PTK2: variants seen among roughly 807,000 people sequenced by gnomAD.
PTK2 encodes protein tyrosine kinase 2, also known as focal adhesion kinase 1.
A neutral mutation model predicts 150.1 loss-of-function variants in PTK2; 45 were observed. That is an observed-to-expected ratio of 0.30 (90% CI 0.24 to 0.38). The LOEUF is 0.38. Among genes scored for constraint, PTK2 ranks in the 10% least tolerant of loss-of-function variants. The pLI is 1.00. For synonymous variants in PTK2, 432 were observed against 449.2 expected (o/e 0.96, Z 0.48); for missense variants, 919 against 1,307.3 (o/e 0.70, Z 4.58).
At chr8:140,838,009 C>A (rs1484892031) in intron 7 of PTK2, among the ~76,000 whole-genome samples, 2 of 151,808 alleles carry the variant, frequency 1.3e-5, no homozygotes, top group Non-Finnish European at 2.9e-5. Context: ...TTGCTGCAAG[C>A]CGAGGTCACG....
chr8:140,842,471 A>C (rs2100122920), intron 7 of PTK2, among the ~76,000 whole-genome samples: 1 of 152,106 alleles, frequency 6.6e-6, no homozygotes, highest in Non-Finnish European at 1.5e-5. Flanking sequence ...TAAGCTCTTG[A>C]CATAAATTAT....
chr8:140,694,924 G>A (rs983075610), intron 26 of PTK2, among the ~76,000 whole-genome samples: 2 of 152,224 alleles, frequency 1.3e-5, no homozygotes, highest in African/African-American at 4.8e-5. Flanking sequence ...AACTGACAGA[G>A]GGTCAGGGTG....
chr8:140,811,542 G>A (rs538076941), intron 10 of PTK2, among the ~76,000 whole-genome samples: 2 of 152,258 alleles, frequency 1.3e-5, no homozygotes, highest in African/African-American at 4.8e-5. Flanking sequence ...CACCTCTCCA[G>A]CAAGGGTTCT....
chr8:140,751,677 G>A lies in PTK2; in HGVS notation c.1417+555C>T, dbSNP rs1486735774. On this transcript the variant is annotated intron_variant, in intron 17 of 31. Transcript: ENST00000522684. ...CGGCTAATTTTTTGTATTTTTAGTA[G>A]AAGACTGTTTCACCATGTTGGCCAG... Among the ~76,000 whole-genome samples the A allele has an allele frequency of 5.9e-5, 9 of 151,890 alleles. 1 individual carries two copies. Among genetic ancestry groups the A allele is most frequent in the African/African-American group, 2.2e-4 (9 of 41,364 alleles).
intron 14 of PTK2, among the ~76,000 whole-genome samples, chr8:140,785,206 T>A (rs1309049390): frequency 6.6e-6 from 1 of 152,156 alleles, no homozygotes; most frequent in African/African-American, 2.4e-5. Flanking sequence ...CACTGGTCGG[T>A]CCAAATATTC....
chr8:140,877,261 T>C (rs2100146189), intron 4 of PTK2, among the ~76,000 whole-genome samples: 1 of 152,094 alleles, frequency 6.6e-6, no homozygotes, highest in Non-Finnish European at 1.5e-5. Context: ...CTCGAACTCC[T>C]GAACTCAAGT....
chr8:140,688,305 C>T (rs898787986), intron 26 of PTK2, among the ~76,000 whole-genome samples: 5 of 152,192 alleles, frequency 3.3e-5, no homozygotes, highest in Admixed American at 2.6e-4. Context: ...GCACTCAACA[C>T]ATCAGTGTTG....
intron 2 of PTK2, among the ~76,000 whole-genome samples, chr8:140,895,026 A>G (rs1343634595): frequency 6.6e-6 from 1 of 152,236 alleles, no homozygotes. Context: ...TCAAGGGACT[A>G]AAATTATTCA....
At chr8:140,777,040 G>T (rs1481134508) in intron 14 of PTK2, among the ~76,000 whole-genome samples, 1 of 152,186 alleles carries the variant, frequency 6.6e-6, no homozygotes. Context: ...GATGTCAGAA[G>T]GGGGCTACTA....
At chr8:140,745,916 C>A (rs150516458) in intron 18 of PTK2, among the ~76,000 whole-genome samples, 1 of 151,206 alleles carries the variant, frequency 6.6e-6, no homozygotes, top group East Asian at 1.9e-4. Flanking sequence ...AAGAGTAGTG[C>A]TTGAACCTGG....
At chr8:140,855,141 G>A (rs1441294779) in intron 5 of PTK2, among the ~76,000 whole-genome samples, 1 of 152,076 alleles carries the variant, frequency 6.6e-6, no homozygotes, top group Non-Finnish European at 1.5e-5. Context: ...ATGAGCCACT[G>A]CATCTGGCCC....
At chr8:140,684,182 G>C (rs2100018523) in intron 27 of PTK2, among the ~76,000 whole-genome samples, 1 of 152,222 alleles carries the variant, frequency 6.6e-6, no homozygotes, top group Admixed American at 6.5e-5. Context: ...ACCAGGGACA[G>C]GTTTCGTGGA....
At chr8:140,919,148 A>T (rs1180462441) in intron 2 of PTK2, among the ~76,000 whole-genome samples, 1 of 152,200 alleles carries the variant, frequency 6.6e-6, no homozygotes, top group African/African-American at 2.4e-5. Flanking sequence ...AAAACCATGT[A>T]TATGAGGAGA....
rs372294718 is a variant in PTK2, at chr8:140,702,554, A to G, written c.2367+16T>C. 3 of 1,612,464 alleles carry G rather than the reference A, an allele frequency of 1.9e-6. No individual in the cohort carries two copies. The African/African-American group carries it at 4.0e-5, about 22-fold the overall frequency. Reference sequence around the variant, plus strand: ...TTTATAAGTTAACAAACTGAAGCCCAAGACACCCGATTTACCTCCACATTG... The same window carrying G: ...TTTATAAGTTAACAAACTGAAGCCCGAGACACCCGATTTACCTCCACATTG... On this transcript the variant is annotated intron_variant, in intron 25 of 31. Transcript: ENST00000522684.
At chr8:140,828,182 A>G (rs1005839115) in intron 8 of PTK2, among the ~76,000 whole-genome samples, 38 of 152,070 alleles carry the variant, frequency 2.5e-4, no homozygotes, top group African/African-American at 7.7e-4. Flanking sequence ...AAAAAAAAAA[A>G]AGAGAAAGTA....
intron 2 of PTK2, among the ~76,000 whole-genome samples, chr8:140,922,793 G>A (rs1450957473): frequency 6.6e-6 from 1 of 152,150 alleles, no homozygotes; most frequent in Admixed American, 6.5e-5. Context: ...ACTAGGAAGA[G>A]GTACAGGAGT....
chr8:140,793,104 A>G (rs531224773), intron 13 of PTK2, among the ~76,000 whole-genome samples: 11 of 152,358 alleles, frequency 7.2e-5, no homozygotes, highest in Middle Eastern at 3.4e-3. Flanking sequence ...ATGTTTAACA[A>G]CAGGCTCTCA....
At chr8:140,668,780 C>T (rs1304902838) in intron 29 of PTK2, 1 of 182,770 alleles carries the variant, frequency 5.5e-6, no homozygotes, top group Non-Finnish European at 1.2e-5. Context: ...GAATTTTAGA[C>T]AAAATTACCT....
At chr8:140,929,569 G>A (rs2100170975) in intron 1 of PTK2, among the ~76,000 whole-genome samples, 1 of 152,096 alleles carries the variant, frequency 6.6e-6, no homozygotes, top group African/African-American at 2.4e-5. Context: ...AAAGAAAACT[G>A]AGGCTCACAT....
Sources: allele counts gnomAD v4.1 joint callset (sites outside exome capture counted in the v4.1 genomes callset), GRCh38; gene constraint gnomAD v4.1.1; transcripts MANE v1.5; gene names NCBI Gene and HGNC (gene_info 2026-07-23, HGNC 2026-07-21).